Variants in KIF6 observed in about 807,000 individuals in gnomAD.
KIF6 encodes the protein kinesin family member 6.
KIF6 carries 106 observed loss-of-function variants against 112.7 expected under a neutral mutation model. That is an observed-to-expected ratio of 0.94 (90% CI 0.80 to 1.11). The LOEUF is 1.11. Among genes scored for constraint, KIF6 ranks in the 50% least tolerant of loss-of-function variants. KIF6 has a pLI of 0.00. For synonymous variants in KIF6, 339 were observed against 339.9 expected, an observed-to-expected ratio of 1.00 and a Z score of 0.03; for missense variants, 929 against 964.0, an observed-to-expected ratio of 0.96 and a Z score of 0.48.
chr6:39,351,182 C>CTTTTT (rs5875669), intron 19 of KIF6, among the ~76,000 whole-genome samples: 6 of 106,810 alleles, frequency 5.6e-5, no homozygotes, highest in East Asian at 6.5e-4. Context: ...TAGGATTAAA[C>CTTTTT]TTTTTTTTTT....
At chr6:39,515,961 T>C (rs1777064711) in intron 13 of KIF6, among the ~76,000 whole-genome samples, 1 of 152,216 alleles carries the variant, frequency 6.6e-6, no homozygotes, top group Non-Finnish European at 1.5e-5. Flanking sequence ...GTACCTAATC[T>C]GAAAATCCAA....
intron 10 of KIF6, among the ~76,000 whole-genome samples, chr6:39,567,819 G>A (rs959453031): frequency 1.1e-4 from 17 of 152,124 alleles, no homozygotes; most frequent in Non-Finnish European, 2.4e-4. Flanking sequence ...GTGTTAGCCA[G>A]GATGGTCTCG....
chr6:39,448,255 A>T (rs1387200960), intron 13 of KIF6, among the ~76,000 whole-genome samples: 1 of 151,712 alleles, frequency 6.6e-6, no homozygotes, highest in Non-Finnish European at 1.5e-5. Context: ...GCTCACTGCA[A>T]CCTCCTTCTC....
chr6:39,358,170 C>T (rs1764857885), intron 18 of KIF6, among the ~76,000 whole-genome samples: 1 of 152,132 alleles, frequency 6.6e-6, no homozygotes, highest in South Asian at 2.1e-4. Context: ...GGCAGAATGC[C>T]CTGTAAGCCT....
chr6:39,445,510 A>G (rs1265713233), intron 13 of KIF6, among the ~76,000 whole-genome samples: 2 of 152,208 alleles, frequency 1.3e-5, no homozygotes, highest in Non-Finnish European at 2.9e-5. Flanking sequence ...TTAGTTGGAG[A>G]TAAGTAAAAG....
At chr6:39,702,942 T>C (rs1788952437) in intron 3 of KIF6, among the ~76,000 whole-genome samples, 1 of 151,792 alleles carries the variant, frequency 6.6e-6, no homozygotes, top group Non-Finnish European at 1.5e-5. Flanking sequence ...ATGCAGTAGG[T>C]AAAGTACTTG....
intron 3 of KIF6, among the ~76,000 whole-genome samples, chr6:39,681,320 C>T (rs1787495452): frequency 1.3e-5 from 2 of 152,106 alleles, no homozygotes. Context: ...AAACTGCCAA[C>T]ACCAAATAGT....
intron 16 of KIF6, among the ~76,000 whole-genome samples, chr6:39,375,842 A>G (rs1313574229): frequency 3.3e-5 from 5 of 152,238 alleles, no homozygotes; most frequent in Non-Finnish European, 7.3e-5. Flanking sequence ...ACCAATACAC[A>G]GGGTGAATGC....
intron 13 of KIF6, among the ~76,000 whole-genome samples, chr6:39,528,278 CA>C (rs1562289702): frequency 6.6e-6 from 1 of 152,162 alleles, no homozygotes. Context: ...TATGTTGTCA[CA>C]AATGGCAAAA....
intron 13 of KIF6, among the ~76,000 whole-genome samples, chr6:39,533,976 C>T (rs1467142895): frequency 2.0e-5 from 3 of 152,166 alleles, no homozygotes; most frequent in African/African-American, 4.8e-5. Flanking sequence ...CTCTAGCAAA[C>T]TCCAACAGAC....
chr6:39,580,960 A>T (rs1430469396), intron 9 of KIF6, among the ~76,000 whole-genome samples: 2 of 152,142 alleles, frequency 1.3e-5, no homozygotes, highest in African/African-American at 4.8e-5. Context: ...TCCCAAAATA[A>T]ACCCAACTAG....
chr6:39,694,552 T>C (rs1788416348), intron 3 of KIF6, among the ~76,000 whole-genome samples: 1 of 152,066 alleles, frequency 6.6e-6, no homozygotes, highest in Admixed American at 6.6e-5. Flanking sequence ...AAATCAAGAA[T>C]GCAATCCCAT....
chr6:39,481,115 A>G (rs1774768344), intron 13 of KIF6, among the ~76,000 whole-genome samples: 1 of 152,128 alleles, frequency 6.6e-6, no homozygotes, highest in Non-Finnish European at 1.5e-5. Flanking sequence ...AGGTCCAGAG[A>G]AGCACGTATA....
intron 14 of KIF6, among the ~76,000 whole-genome samples, chr6:39,424,167 C>T (rs1253085026): frequency 2.0e-5 from 3 of 152,210 alleles, no homozygotes; most frequent in Non-Finnish European, 4.4e-5. Context: ...CACTGTCTCT[C>T]ATCTTGGGGA....
intron 14 of KIF6, among the ~76,000 whole-genome samples, chr6:39,428,953 T>G (rs1262757736): frequency 6.6e-6 from 1 of 152,246 alleles, no homozygotes; most frequent in Non-Finnish European, 1.5e-5. Context: ...CACAGCAGCC[T>G]GGAGTATGTC....
intron 3 of KIF6, among the ~76,000 whole-genome samples, chr6:39,712,434 T>A (rs573925437): frequency 6.6e-6 from 1 of 152,096 alleles, no homozygotes; most frequent in East Asian, 1.9e-4. Context: ...TGGATAAAAG[T>A]GCTCTTGCCT....
chr6:39,643,114 T>C (rs1298474848), intron 3 of KIF6, among the ~76,000 whole-genome samples: 1 of 152,150 alleles, frequency 6.6e-6, no homozygotes, highest in East Asian at 1.9e-4. Context: ...GACATAGAAG[T>C]CTCTATTTGC....
chr6:39,506,235 A>G (rs1195054435), intron 13 of KIF6, among the ~76,000 whole-genome samples: 2 of 152,204 alleles, frequency 1.3e-5, no homozygotes, highest in African/African-American at 4.8e-5. Context: ...CATTATCCTC[A>G]GCAAACTAAC....
At chr6:39,703,455 T>C (rs892996609) in intron 3 of KIF6, among the ~76,000 whole-genome samples, 1 of 152,110 alleles carries the variant, frequency 6.6e-6, no homozygotes, top group African/African-American at 2.4e-5. Context: ...ACCCATAGGG[T>C]CATTATAAAA....
Sources: gnomAD v4.1 joint callset for allele counts (sites outside exome capture counted in the v4.1 genomes callset) on GRCh38, gnomAD v4.1.1 for gene constraint, MANE v1.5 for transcripts, NCBI Gene and HGNC (gene_info 2026-07-23, HGNC 2026-07-21) for gene names.